Variants in SRBD1 observed in about 807,000 individuals in gnomAD.
The protein encoded by SRBD1 is S1 RNA-binding domain-containing protein 1.
A neutral mutation model predicts 115.3 loss-of-function variants in SRBD1; 88 were observed. The ratio of observed to expected loss-of-function variants is 0.76; its 90% CI spans 0.64 to 0.91. The LOEUF is 0.91. Ranked by LOEUF, SRBD1 falls within the 40% of genes least tolerant of loss-of-function variation. The pLI is 0.00. For synonymous variants in SRBD1, 509 were observed against 407.7 expected (o/e 1.25, Z -2.99); for missense variants, 1,385 against 1,177.4 (o/e 1.18, Z -2.58).
chr2:45,418,356 T>A lies in SRBD1; in HGVS notation c.2333+9A>T. The A allele has an allele frequency of 6.2e-7, 1 of 1,613,248 alleles. No individual in the cohort carries two copies. Among genetic ancestry groups the A allele is most frequent in the Non-Finnish European group, 8.5e-7 (1 of 1,179,578 alleles). ...TGACAATAGAATCAAAGTGTATACTTATACTCACCTGCAAAACGTTCGGAT... is the reference window on the plus strand; with the variant it reads ...TGACAATAGAATCAAAGTGTATACTAATACTCACCTGCAAAACGTTCGGAT... On this transcript the variant is annotated intron_variant, in intron 18 of 20. Transcript: ENST00000263736.
At chr2:45,408,877 A>G (rs187747520) in intron 19 of SRBD1, among the ~76,000 whole-genome samples, 1 of 152,278 alleles carries the variant, frequency 6.6e-6, no homozygotes, top group Non-Finnish European at 1.5e-5. Context: ...AAATTGAAAA[A>G]CTTCTAAACC....
intron 14 of SRBD1, among the ~76,000 whole-genome samples, chr2:45,522,985 G>C (rs1470612607): frequency 6.6e-6 from 1 of 151,962 alleles, no homozygotes; most frequent in Non-Finnish European, 1.5e-5. Context: ...CATTGTTCAA[G>C]GGTCAGATGT....
intron 16 of SRBD1, among the ~76,000 whole-genome samples, chr2:45,426,054 C>A (rs967648566): frequency 1.3e-5 from 2 of 152,146 alleles, no homozygotes; most frequent in African/African-American, 4.8e-5. Flanking sequence ...TGGTCTAGCT[C>A]AGCAGATCCC....
At chr2:45,561,404 C>A (rs952956822) in intron 10 of SRBD1, among the ~76,000 whole-genome samples, 19 of 152,156 alleles carry the variant, frequency 1.2e-4, no homozygotes, top group African/African-American at 4.3e-4. Flanking sequence ...GGTTGTTAAG[C>A]AAGTTGATCC....
At chr2:45,576,587 T>C (rs1372553793) in intron 7 of SRBD1, among the ~76,000 whole-genome samples, 1 of 152,194 alleles carries the variant, frequency 6.6e-6, no homozygotes, top group Non-Finnish European at 1.5e-5. Context: ...CAGTAACAAA[T>C]TACCTTTACA....
chr2:45,597,505 G>A (rs747117823), intron 4 of SRBD1, among the ~76,000 whole-genome samples: 95 of 151,912 alleles, frequency 6.3e-4, no homozygotes, highest in Non-Finnish European at 1.0e-3. Flanking sequence ...AAATAAACTA[G>A]GGAGCTGTCA....
At chr2:45,414,721 C>T (rs1227507499) in intron 18 of SRBD1, among the ~76,000 whole-genome samples, 4 of 125,140 alleles carry the variant, frequency 3.2e-5, no homozygotes, top group Admixed American at 7.7e-5. Context: ...TATGTATATA[C>T]ACACACACAG....
intron 15 of SRBD1, among the ~76,000 whole-genome samples, chr2:45,487,669 T>C (rs1170454804): frequency 6.6e-6 from 1 of 152,128 alleles, no homozygotes; most frequent in Non-Finnish European, 1.5e-5. Flanking sequence ...ACTAGTATTA[T>C]TATTTGAGAG....
chr2:45,563,282 T>C (rs1485603401), intron 9 of SRBD1, among the ~76,000 whole-genome samples: 1 of 152,070 alleles, frequency 6.6e-6, no homozygotes, highest in African/African-American at 2.4e-5. Context: ...ATAATTTTTC[T>C]GAAACTAACT....
In SRBD1 at chr2:45,434,460, T is replaced by C. The variant is rs531351902; in HGVS notation, c.2050-14566A>G. Reference sequence around the variant, plus strand: ...GATCTTGGCTTACATATGTGCACCTTAACATTTGGCAAACAATTTTTTTTT... The same window carrying C: ...GATCTTGGCTTACATATGTGCACCTCAACATTTGGCAAACAATTTTTTTTT... On this transcript the variant is annotated intron_variant, in intron 16 of 20. Coordinates refer to ENST00000263736, the MANE Select transcript of SRBD1 (RefSeq NM_018079.5). Among the ~76,000 whole-genome samples, 99 of 152,332 alleles carry C rather than the reference T, an allele frequency of 6.5e-4. 1 individual carries two copies. Among genetic ancestry groups the C allele is most frequent in the African/African-American group, 1.9e-3 (79 of 41,566 alleles).
intron 7 of SRBD1, among the ~76,000 whole-genome samples, chr2:45,578,887 T>C (rs1360163898): frequency 1.3e-5 from 2 of 152,254 alleles, no homozygotes; most frequent in African/African-American, 4.8e-5. Context: ...ATGATGAATA[T>C]GTTAATTTGC....
chr2:45,486,858 T>C (rs905813074), intron 15 of SRBD1, among the ~76,000 whole-genome samples: 40 of 152,224 alleles, frequency 2.6e-4, no homozygotes, highest in African/African-American at 9.4e-4. Flanking sequence ...TACCACAATG[T>C]TTCACATATA....
chr2:45,578,696 GT>G (rs1312811911), intron 7 of SRBD1, among the ~76,000 whole-genome samples: 1 of 152,148 alleles, frequency 6.6e-6, no homozygotes, highest in Non-Finnish European at 1.5e-5. Flanking sequence ...GAAACTGGAG[GT>G]GGGGGCGGGG....
intron 16 of SRBD1, among the ~76,000 whole-genome samples, chr2:45,433,533 G>A (rs1668400204): frequency 6.6e-6 from 1 of 152,116 alleles, no homozygotes; most frequent in East Asian, 1.9e-4. Flanking sequence ...ATTGACATGT[G>A]ACAGTTTTTA....
At chr2:45,437,703 G>C (rs1668541792) in intron 16 of SRBD1, among the ~76,000 whole-genome samples, 1 of 152,174 alleles carries the variant, frequency 6.6e-6, no homozygotes, top group Non-Finnish European at 1.5e-5. Flanking sequence ...ACTACAATCT[G>C]GGCGATAGAC....
chr2:45,478,010 C>T (rs1669855321), intron 15 of SRBD1, among the ~76,000 whole-genome samples: 1 of 147,920 alleles, frequency 6.8e-6, no homozygotes, highest in Non-Finnish European at 1.5e-5. Context: ...CATCTAATTT[C>T]GTTTATAAGA....
intron 14 of SRBD1, among the ~76,000 whole-genome samples, chr2:45,528,341 C>A (rs1312768367): frequency 1.3e-5 from 2 of 151,636 alleles, no homozygotes; most frequent in South Asian, 2.1e-4. Context: ...ACAAGAAGAA[C>A]TGGAAGGAAG....
chr2:45,521,819 T>C (rs901086762), intron 14 of SRBD1, among the ~76,000 whole-genome samples: 1 of 151,894 alleles, frequency 6.6e-6, no homozygotes, highest in Non-Finnish European at 1.5e-5. Flanking sequence ...AATTTAAAAA[T>C]TAGCCAGGCA....
intron 14 of SRBD1, among the ~76,000 whole-genome samples, chr2:45,492,791 C>G (rs1366810548): frequency 6.6e-6 from 1 of 152,102 alleles, no homozygotes; most frequent in Non-Finnish European, 1.5e-5. Context: ...CCTTCATTTA[C>G]AAGATTTCAT....
Sources: allele counts gnomAD v4.1 joint callset (sites outside exome capture counted in the v4.1 genomes callset), GRCh38; gene constraint gnomAD v4.1.1; transcripts MANE v1.5; gene names NCBI Gene and HGNC (gene_info 2026-07-23, HGNC 2026-07-21).